ZNF813: variants seen among roughly 807,000 people sequenced by gnomAD.
ZNF813 encodes the protein zinc finger protein 813.
ZNF813 carries 3 observed loss-of-function variants against 7.2 expected under a neutral mutation model. That is an observed-to-expected ratio of 0.42 (90% CI 0.19 to 1.08). The LOEUF (loss-of-function observed/expected upper bound fraction) is 1.08. Ranked by LOEUF, ZNF813 falls within the 50% of genes least tolerant of loss-of-function variation. The probability of loss-of-function intolerance (pLI) is 0.30; values close to 1 mark genes in which losing one functional copy is unlikely to be tolerated. For synonymous variants in ZNF813, 227 were observed against 256.3 expected (o/e 0.89, Z 1.09); for missense variants, 714 against 753.3 (o/e 0.95, Z 0.61).
In ZNF813 at chr19:53,491,884, A is replaced by G. The variant is rs567158961; in HGVS notation, c.1652A>G (p.Tyr551Cys). Reference sequence around the variant, plus strand: ...AGACTTCATACTGGAGATAAACCTTACAAGTGTAATGAATGTGGCAAGGTT... The same window carrying G: ...AGACTTCATACTGGAGATAAACCTTGCAAGTGTAATGAATGTGGCAAGGTT... ...HHRLHTGDKP[Y>C]KCNECGKVFN... The change falls in exon 4 of 4, where the codon TAC becomes TGC. Residue 551 changes from tyrosine (Y) to cysteine (C), a missense_variant. Around this residue, in one of 3 missense-constraint regions of ZNF813, gnomAD observed 122 missense variants for 146.8 expected, o/e 0.83. Transcript: ENST00000396403. 52 of 1,613,554 alleles carry G rather than the reference A, an allele frequency of 3.2e-5. No individual in the cohort carries two copies. In the East Asian group the frequency reaches 1.1e-3, roughly 35 times the overall value.
intron 1 of ZNF813, among the ~76,000 whole-genome samples, chr19:53,483,365 T>C (rs983893485): frequency 1.3e-5 from 2 of 152,026 alleles, no homozygotes; most frequent in African/African-American, 2.4e-5. Flanking sequence ...AGTTTTTGTA[T>C]TTTTGGTAGA....
chr19:53,486,224 G>T (rs573470290), intron 2 of ZNF813, among the ~76,000 whole-genome samples: 16 of 152,302 alleles, frequency 1.1e-4, no homozygotes, highest in African/African-American at 3.6e-4. Flanking sequence ...TTGAGAGGCT[G>T]AGGCAGGCAG....
chr19:53,491,350 A>G lies in ZNF813; in HGVS notation c.1118A>G (p.His373Arg), dbSNP rs1269592531. The change falls in exon 4 of 4, where the codon CAT becomes CGT. Residue 373 changes from histidine (H) to arginine (R), a missense_variant. Physicochemically the swap from His to Arg is conservative, Grantham distance 29 (BLOSUM62 0). Coordinates refer to ENST00000396403, the MANE Select transcript of ZNF813 (RefSeq NM_001004301.4). ...AGTCGGAAGTCATCCCTTACATGCCATCATAGACTTCATACGGGAGAGAAA... is the reference window on the plus strand; with the variant it reads ...AGTCGGAAGTCATCCCTTACATGCCGTCATAGACTTCATACGGGAGAGAAA... ...TFSRKSSLTC[H>R]HRLHTGEKPY... 5 of 1,613,138 alleles carry G rather than the reference A, an allele frequency of 3.1e-6. No homozygotes were observed. The highest frequency in any genetic ancestry group is 1.3e-5 in the African/African-American group (1 of 74,864).
chr19:53,491,999 T>G lies in ZNF813; in HGVS notation c.1767T>G (p.Asn589Lys), dbSNP rs748507749. 6 of 1,613,878 alleles carry G rather than the reference T, an allele frequency of 3.7e-6. No homozygotes were observed. The Admixed American group carries it at 6.7e-5, about 18-fold the overall frequency. Residue 589 changes from asparagine (N) to lysine (K), a missense_variant, in exon 4 of 4, where the codon AAT (asparagine) becomes AAG (lysine). This residue lies in a region of ZNF813 where 122 missense variants were observed against 146.8 expected (regional missense o/e 0.83). Transcript: ENST00000396403. The part of the protein sequence containing the change: ...YKCNECGKVF[N>K]QKANLARHHR... ...GTAATGAATGTGGCAAGGTTTTTAA[T>G]CAAAAAGCAAACCTTGCACGTCATC...
intron 1 of ZNF813, among the ~76,000 whole-genome samples, chr19:53,474,956 G>T (rs928993221): frequency 6.6e-6 from 1 of 152,140 alleles, no homozygotes; most frequent in Non-Finnish European, 1.5e-5. Context: ...TTAAAATGCA[G>T]CGTGATCATT....
rs150866769 is a variant in ZNF813, at chr19:53,471,538, G to A, written c.-74+3749G>A. On this transcript the variant is annotated intron_variant, in intron 1 of 3. Coordinates refer to ENST00000396403, the MANE Select transcript of ZNF813 (RefSeq NM_001004301.4). ...GAGCTAGGGGCTTAAGGCTGGGTGCGGTGGCTCACACCTGTAATCCCAGCA... is the reference window on the plus strand; with the variant it reads ...GAGCTAGGGGCTTAAGGCTGGGTGCAGTGGCTCACACCTGTAATCCCAGCA... Among the ~76,000 whole-genome samples the A allele has an allele frequency of 8.2e-3, 1,247 of 152,180 alleles. 17 individuals carry two copies. The highest frequency in any genetic ancestry group is 0.028 in the African/African-American group (1,177 of 41,498).
chr19:53,491,819 C>T lies in ZNF813; in HGVS notation c.1587C>T (p.Gly529=). 1 of 1,613,730 alleles carries T rather than the reference C, an allele frequency of 6.2e-7. No individual in the cohort carries two copies. Residue 529 remains glycine, a synonymous_variant, in exon 4 of 4, where the codon GGC becomes GGT. Coordinates refer to ENST00000396403, the MANE Select transcript of ZNF813 (RefSeq NM_001004301.4). ...GEKPYKCNEC[G]KVFNRKTHLA... ...AACCTTACAAGTGTAATGAATGTGG[C>T]AAGGTTTTTAATCGAAAAACACACC...
chr19:53,486,394 T>C (rs2147161230), intron 2 of ZNF813, among the ~76,000 whole-genome samples: 1 of 148,810 alleles, frequency 6.7e-6, no homozygotes, highest in Non-Finnish European at 1.5e-5. Context: ...TTGCAGTGAG[T>C]GGAGACTGTG....
rs540016042 is a variant in ZNF813 at position 53,481,673 on chromosome 19, C to A, written c.-73-2077C>A. ...CACCCATGTATTCTTGATTGAAAAACTTTGCTTATGTCTTAGTTCTACAGC... is the reference window on the plus strand; with the variant it reads ...CACCCATGTATTCTTGATTGAAAAAATTTGCTTATGTCTTAGTTCTACAGC... On this transcript the variant is annotated intron_variant, in intron 1 of 3. Transcript: ENST00000396403. Among the ~76,000 whole-genome samples, 12 of 152,204 alleles carry A rather than the reference C, an allele frequency of 7.9e-5. No individual in the cohort carries two copies. The East Asian group carries it at 2.3e-3, about 29-fold the overall frequency.
rs1369426757 is a variant in ZNF813 at position 53,490,391 on chromosome 19, C to T, written c.159C>T (p.Cys53=). 6.2e-7 allele frequency: 1 copy of T among 1,613,824 alleles called. No homozygotes were observed. The highest frequency in any genetic ancestry group is 8.5e-7 in the Non-Finnish European group (1 of 1,179,944). The change falls in exon 4 of 4, where the codon TGC becomes TGT. Residue 53 remains cysteine, a synonymous_variant. Transcript: ENST00000396403. The part of the protein sequence containing the change: ...NLVSLDISSK[C]MMKEFSSTAQ... ...ATTTTGTAGATATCTCTTCCAAATGCATGATGAAGGAGTTCTCATCAACAG... is the reference window on the plus strand; with the variant it reads ...ATTTTGTAGATATCTCTTCCAAATGTATGATGAAGGAGTTCTCATCAACAG...
At position 53,488,291 on chromosome 19, in the gene ZNF813, G is replaced by C. The variant is rs146224672; in HGVS notation, c.142+1533G>C. On this transcript the variant is annotated intron_variant, in intron 3 of 3. Transcript: ENST00000396403. Reference sequence around the variant, plus strand: ...ATCAACCTCAGCCTCCGAAACTGCTGCGATTACAGGTGTGAACCACCGCGC... The same window carrying C: ...ATCAACCTCAGCCTCCGAAACTGCTCCGATTACAGGTGTGAACCACCGCGC... 744 of 454,946 alleles carry C rather than the reference G, an allele frequency of 1.6e-3. 5 individuals carry two copies. The highest frequency in any genetic ancestry group is 0.013 in the African/African-American group (649 of 50,114). 28.2% of individuals were successfully genotyped at this position (454,946 alleles called of 1,614,324 possible).
At chr19:53,470,136 G>GTT (rs2086350229) in intron 1 of ZNF813, among the ~76,000 whole-genome samples, 1 of 128,892 alleles carries the variant, frequency 7.8e-6, no homozygotes, top group African/African-American at 3.0e-5. Context: ...AAATACATTT[G>GTT]TTTTCTTTCT....
At chr19:53,468,341 A>G (rs12979610) in intron 1 of ZNF813, among the ~76,000 whole-genome samples, 57,784 of 151,230 alleles carry the variant, frequency 0.38, 11,158 homozygotes, top group South Asian at 0.43. Flanking sequence ...CTGTTGAAGG[A>G]GGCCAGCCCT....
Position 53,491,342 on chromosome 19 carries a change from T to C in ZNF813, c.1110T>C (p.Leu370=). 1 of 1,613,022 alleles carries C rather than the reference T, an allele frequency of 6.2e-7. No individual in the cohort carries two copies. The highest frequency in any genetic ancestry group is 8.5e-7 in the Non-Finnish European group (1 of 1,179,336). ...AGACCTTTAGTCGGAAGTCATCCCT[T>C]ACATGCCATCATAGACTTCATACGG... ...CGKTFSRKSS[L]TCHHRLHTGE... Residue 370 remains leucine, a synonymous_variant, in exon 4 of 4, where the codon CTT becomes CTC. Transcript: ENST00000396403.
At chr19:53,477,307 C>G (rs1048178891) in intron 1 of ZNF813, among the ~76,000 whole-genome samples, 1 of 152,044 alleles carries the variant, frequency 6.6e-6, no homozygotes, top group Non-Finnish European at 1.5e-5. Flanking sequence ...GTTTATAGAG[C>G]CTTTCTGAAC....
intron 2 of ZNF813, among the ~76,000 whole-genome samples, chr19:53,485,282 C>G (rs1223897936): frequency 6.6e-6 from 1 of 152,122 alleles, no homozygotes; most frequent in African/African-American, 2.4e-5. Flanking sequence ...CACCCTGCCC[C>G]CAACTGCCAA....
chr19:53,486,881 T>C (rs1335602114), intron 3 of ZNF813, 123 bp downstream of exon 3: 7 of 1,523,100 alleles, frequency 4.6e-6, no homozygotes, highest in Non-Finnish European at 6.1e-6. Flanking sequence ...TGATCATGGC[T>C]CACTGCGATC....
chr19:53,471,594 G>A (rs112375075), intron 1 of ZNF813, among the ~76,000 whole-genome samples: 11,915 of 151,914 alleles, frequency 0.078, 583 homozygotes, highest in African/African-American at 0.13. Flanking sequence ...TGGATCACAA[G>A]GTCAGGAGAT....
intron 2 of ZNF813, among the ~76,000 whole-genome samples, chr19:53,486,361 C>T (rs568659804): frequency 7.3e-5 from 11 of 151,674 alleles, no homozygotes; most frequent in East Asian, 2.0e-4. Flanking sequence ...GCAGGAGAAT[C>T]GCTTGATCCT....
Sources: allele counts gnomAD v4.1 joint callset (sites outside exome capture counted in the v4.1 genomes callset), GRCh38; gene constraint gnomAD v4.1.1; regional missense constraint gnomAD v4.1.1; transcripts MANE v1.5; gene names NCBI Gene and HGNC (gene_info 2026-07-23, HGNC 2026-07-21).